Variants in DNAJC1 observed in about 807,000 individuals in gnomAD.
DNAJC1 encodes DnaJ heat shock protein family (Hsp40) member C1.
A neutral mutation model predicts 76.6 loss-of-function variants in DNAJC1; 58 were observed. The observed-to-expected ratio is 0.76, with a 90% confidence interval of 0.61 to 0.94. The LOEUF (loss-of-function observed/expected upper bound fraction) is 0.94, where lower values mean the gene tolerates loss of function less well. Ranked by LOEUF, DNAJC1 falls within the 40% of genes least tolerant of loss-of-function variation. The pLI, the probability that DNAJC1 is intolerant of heterozygous loss-of-function variation, is 0.00. For missense variants in DNAJC1, 689 were observed against 677.3 expected, an observed-to-expected ratio of 1.02 and a Z score of -0.19; for synonymous variants, 258 against 267.9, an observed-to-expected ratio of 0.96 and a Z score of 0.36.
At chr10:21,850,098 T>C (rs948370058) in intron 8 of DNAJC1, among the ~76,000 whole-genome samples, 3 of 152,134 alleles carry the variant, frequency 2.0e-5, no homozygotes, top group Non-Finnish European at 2.9e-5. Context: ...TGTTTAAACA[T>C]AGTACTGGAA....
At chr10:21,772,503 C>A (rs1368594240) in intron 9 of DNAJC1, among the ~76,000 whole-genome samples, 1 of 151,948 alleles carries the variant, frequency 6.6e-6, no homozygotes, top group Non-Finnish European at 1.5e-5. Context: ...AGAAAAATAG[C>A]CATCTAATTT....
intron 1 of DNAJC1, among the ~76,000 whole-genome samples, chr10:21,955,932 CTACTT>C (rs919055811): frequency 5.3e-5 from 8 of 152,262 alleles, no homozygotes; most frequent in African/African-American, 1.9e-4. Flanking sequence ...TTCTTAAAAA[CTACTT>C]TAAAAAATTT....
intron 9 of DNAJC1, among the ~76,000 whole-genome samples, chr10:21,778,344 C>G (rs886794794): frequency 3.9e-5 from 6 of 152,050 alleles, no homozygotes; most frequent in Non-Finnish European, 8.8e-5. Context: ...ACATCTCTGC[C>G]CATAAAACAA....
intron 7 of DNAJC1, among the ~76,000 whole-genome samples, chr10:21,893,606 C>T (rs1401108700): frequency 6.6e-6 from 1 of 151,502 alleles, no homozygotes; most frequent in Non-Finnish European, 1.5e-5. Context: ...CAGCCTGGGC[C>T]ACAGAGTGAG....
At chr10:21,817,365 T>A (rs1225436372) in intron 8 of DNAJC1, among the ~76,000 whole-genome samples, 2 of 152,114 alleles carry the variant, frequency 1.3e-5, no homozygotes, top group Non-Finnish European at 2.9e-5. Context: ...TGTCCTTAAA[T>A]ATACTACGAA....
intron 8 of DNAJC1, among the ~76,000 whole-genome samples, chr10:21,825,449 C>A (rs774763158): frequency 3.3e-5 from 5 of 152,208 alleles, no homozygotes; most frequent in Non-Finnish European, 7.3e-5. Context: ...ATCTGGGCTC[C>A]TTCCACCTCT....
chr10:21,816,924 G>A (rs1395524477), intron 8 of DNAJC1, among the ~76,000 whole-genome samples: 1 of 146,270 alleles, frequency 6.8e-6, no homozygotes, highest in South Asian at 2.2e-4. Context: ...GGAGGCCGAG[G>A]TGGGTGGATC....
At chr10:21,968,570 C>T (rs897282387) in intron 1 of DNAJC1, among the ~76,000 whole-genome samples, 7 of 151,384 alleles carry the variant, frequency 4.6e-5, no homozygotes, top group Non-Finnish European at 7.4e-5. Flanking sequence ...TGCAGTGGCA[C>T]GACGATCTCG....
chr10:21,981,608 G>A (rs559742701), intron 1 of DNAJC1, among the ~76,000 whole-genome samples: 53 of 152,186 alleles, frequency 3.5e-4, no homozygotes, highest in Admixed American at 3.3e-3. Context: ...TTCCTCATTT[G>A]TAAAATGGGG....
At chr10:21,804,179 C>T (rs1298775024) in intron 9 of DNAJC1, among the ~76,000 whole-genome samples, 2 of 151,938 alleles carry the variant, frequency 1.3e-5, no homozygotes, top group African/African-American at 2.4e-5. Context: ...TAAAAATTTA[C>T]CAGGTTTTAA....
chr10:21,897,050 G>C (rs1476557567), intron 7 of DNAJC1, among the ~76,000 whole-genome samples: 1 of 152,116 alleles, frequency 6.6e-6, no homozygotes, highest in African/African-American at 2.4e-5. Flanking sequence ...CCTGATCTTG[G>C]ACTCCCCAGC....
At chr10:21,836,275 C>T (rs1185280481) in intron 8 of DNAJC1, among the ~76,000 whole-genome samples, 1 of 152,106 alleles carries the variant, frequency 6.6e-6, no homozygotes, top group Non-Finnish European at 1.5e-5. Context: ...CAAGCAAATG[C>T]TGAGAGATTT....
intron 7 of DNAJC1, among the ~76,000 whole-genome samples, chr10:21,890,540 G>A (rs919857329): frequency 2.6e-5 from 4 of 151,926 alleles, no homozygotes; most frequent in African/African-American, 9.7e-5. Flanking sequence ...GGTGCAGTAA[G>A]TAGGTATTCC....
Position 21,873,543 on chromosome 10 carries a change from C to G in DNAJC1, c.978+8739G>C, listed in dbSNP as rs12571680. ...CTATCCTTCAAAATGAAGGATAAAT[C>G]AAGATATTCTCAGTAAAATAAAAAG... is the stretch of plus-strand genomic sequence containing the variant. On this transcript the variant is annotated intron_variant, in intron 8 of 11. Transcript: ENST00000376980. Among the ~76,000 whole-genome samples the G allele has an allele frequency of 5.5e-4, 83 of 152,154 alleles. 1 individual carries two copies. In the East Asian group the frequency reaches 0.011, roughly 19 times the overall value.
At chr10:21,868,633 T>G (rs1836049788) in intron 8 of DNAJC1, among the ~76,000 whole-genome samples, 1 of 152,142 alleles carries the variant, frequency 6.6e-6, no homozygotes, top group South Asian at 2.1e-4. Context: ...TCAATGTCAT[T>G]AGACCCTCAA....
intron 8 of DNAJC1, among the ~76,000 whole-genome samples, chr10:21,827,961 G>A (rs1490771079): frequency 6.6e-6 from 1 of 152,088 alleles, no homozygotes; most frequent in Non-Finnish European, 1.5e-5. Context: ...ATTTAGAGGT[G>A]GAATTTCTGA....
chr10:21,930,489 G>A lies in DNAJC1; in HGVS notation c.223-1348C>T, dbSNP rs994384401. 2.0e-4 allele frequency among the ~76,000 whole-genome samples: 31 copies of A among 152,092 alleles called. 1 individual carries two copies. The highest frequency in any genetic ancestry group is 7.5e-4 in the African/African-American group (31 of 41,398). Reference sequence around the variant, plus strand: ...TACCTGGGACTAAATATTATCAATAGTTTTTAAATAGAGTTGGAGAGAGAC... The same window carrying A: ...TACCTGGGACTAAATATTATCAATAATTTTTAAATAGAGTTGGAGAGAGAC... On this transcript the variant is annotated intron_variant, in intron 1 of 11. Transcript: ENST00000376980.
chr10:21,897,633 G>T (rs573953247), intron 7 of DNAJC1, among the ~76,000 whole-genome samples: 23 of 152,276 alleles, frequency 1.5e-4, no homozygotes, highest in Middle Eastern at 3.4e-3. Context: ...TCTAACTACA[G>T]TTTCATTACA....
chr10:21,927,349 G>C (rs746708354), intron 3 of DNAJC1, among the ~76,000 whole-genome samples: 3 of 152,180 alleles, frequency 2.0e-5, no homozygotes, highest in Admixed American at 6.5e-5. Flanking sequence ...ACTAATTCCA[G>C]ATAATACATT....
Sources: allele counts gnomAD v4.1 joint callset (sites outside exome capture counted in the v4.1 genomes callset), GRCh38; gene constraint gnomAD v4.1.1; transcripts MANE v1.5; gene names NCBI Gene and HGNC (gene_info 2026-07-23, HGNC 2026-07-21).